Variants in CDH12 observed in about 807,000 individuals in gnomAD.
CDH12 encodes cadherin-12.
Under a neutral mutation model 74.1 loss-of-function variants are expected in CDH12, and 41 were observed. That is an observed-to-expected ratio of 0.55 (90% CI 0.43 to 0.72). The LOEUF is 0.72. Ranked by LOEUF, CDH12 falls within the 30% of genes least tolerant of loss-of-function variation. CDH12 has a pLI of 0.00. For synonymous variants in CDH12, 399 were observed against 355.0 expected (o/e 1.12, Z -1.39); for missense variants, 945 against 977.2 (o/e 0.97, Z 0.44).
intron 1 of CDH12, among the ~76,000 whole-genome samples, chr5:22,641,093 C>T (rs192142947): frequency 6.6e-6 from 1 of 152,210 alleles, no homozygotes; most frequent in Admixed American, 6.5e-5. Context: ...TAGATGTAGA[C>T]ACATGAGAGG....
At chr5:22,476,308 A>G in intron 2 of CDH12, among the ~76,000 whole-genome samples, 1 of 152,196 alleles carries the variant, frequency 6.6e-6, no homozygotes, top group Non-Finnish European at 1.5e-5. Flanking sequence ...CATTTAAGAT[A>G]AGTTAAGGAA....
At chr5:22,295,076 T>A (rs1345912786) in intron 3 of CDH12, among the ~76,000 whole-genome samples, 1 of 152,154 alleles carries the variant, frequency 6.6e-6, no homozygotes, top group African/African-American at 2.4e-5. Context: ...ACTTTTCCAT[T>A]AGCTCCTCCT....
In CDH12 at chr5:22,665,903, G is replaced by A. The variant is rs947835289; in HGVS notation, c.-522-160539C>T. On this transcript the variant is annotated intron_variant, in intron 1 of 14. Coordinates refer to ENST00000382254, the MANE Select transcript of CDH12 (RefSeq NM_004061.5). ...ATGTTGAGATTTCTCATGGTGAAAT[G>A]TTGAAGCTATTTCTTTTTTTTTCTT... Among the ~76,000 whole-genome samples the A allele has an allele frequency of 3.6e-4, 55 of 152,120 alleles. 1 individual carries two copies. The highest frequency in any genetic ancestry group is 3.2e-3 in the Admixed American group (49 of 15,280).
chr5:21,939,866 T>C (rs571170461), intron 6 of CDH12, among the ~76,000 whole-genome samples: 46 of 152,038 alleles, frequency 3.0e-4, no homozygotes, highest in Non-Finnish European at 6.0e-4. Context: ...TAATTAAAAA[T>C]ATGAGAAAAA....
intron 1 of CDH12, among the ~76,000 whole-genome samples, chr5:22,625,645 A>C (rs1174412300): frequency 1.3e-5 from 2 of 152,132 alleles, no homozygotes; most frequent in African/African-American, 4.8e-5. Context: ...TGCCCAGGGG[A>C]TAAGGCCTGT....
intron 5 of CDH12, among the ~76,000 whole-genome samples, chr5:22,061,800 G>C (rs969275007): frequency 6.6e-6 from 1 of 152,102 alleles, no homozygotes; most frequent in Non-Finnish European, 1.5e-5. Flanking sequence ...ATGCACTTAA[G>C]ATATTTCTGG....
intron 6 of CDH12, among the ~76,000 whole-genome samples, chr5:21,935,233 A>G (rs2150084854): frequency 1.3e-5 from 2 of 152,282 alleles, no homozygotes; most frequent in South Asian, 4.1e-4. Context: ...TGATGAGATC[A>G]TGGGCTAATT....
intron 1 of CDH12, among the ~76,000 whole-genome samples, chr5:22,785,671 C>T (rs1747586265): frequency 6.6e-6 from 1 of 152,096 alleles, no homozygotes; most frequent in African/African-American, 2.4e-5. Context: ...GCACATGTCA[C>T]TACACCTGGC....
intron 7 of CDH12, among the ~76,000 whole-genome samples, chr5:21,844,479 A>G (rs181482563): frequency 1.3e-5 from 2 of 152,244 alleles, no homozygotes; most frequent in Admixed American, 1.3e-4. Context: ...TACATATACA[A>G]TCCTTTCCTC....
chr5:22,501,486 C>T (rs954853704), intron 2 of CDH12, among the ~76,000 whole-genome samples: 1 of 152,132 alleles, frequency 6.6e-6, no homozygotes, highest in Non-Finnish European at 1.5e-5. Flanking sequence ...GAATAATCAA[C>T]TGTTTCTGTA....
intron 4 of CDH12, among the ~76,000 whole-genome samples, chr5:22,110,616 T>TGGTGGGTC: frequency 6.6e-6 from 1 of 152,142 alleles, no homozygotes; most frequent in Non-Finnish European, 1.5e-5. Flanking sequence ...GATGGAGTAA[T>TGGTGGGTC]CAGTGTCATA....
chr5:22,182,326 C>T (rs1186114163), intron 4 of CDH12, among the ~76,000 whole-genome samples: 1 of 152,154 alleles, frequency 6.6e-6, no homozygotes, highest in East Asian at 1.9e-4. Context: ...TCTCAATTCA[C>T]CTCAATATAT....
rs1290628617 is a variant in CDH12 at position 22,418,431 on chromosome 5, C to T, written c.-427-13080G>A. Among the ~76,000 whole-genome samples, 17 of 152,168 alleles carry T rather than the reference C, an allele frequency of 1.1e-4. 1 individual carries two copies. The highest frequency in any genetic ancestry group is 6.5e-4 in the Admixed American group (10 of 15,272). ...ACTTCCTCTCTTCCTATTTGAATAC[C>T]TTTATTTCTTTCTCTTGCCTGATTG... On this transcript the variant is annotated intron_variant, in intron 2 of 14. Coordinates refer to ENST00000382254, the MANE Select transcript of CDH12 (RefSeq NM_004061.5).
intron 1 of CDH12, among the ~76,000 whole-genome samples, chr5:22,682,574 T>C (rs1397844995): frequency 6.6e-6 from 1 of 152,092 alleles, no homozygotes; most frequent in African/African-American, 2.4e-5. Flanking sequence ...TAATAGGAAC[T>C]AGTTATCTTT....
At chr5:22,842,917 T>C (rs1209725233) in intron 1 of CDH12, among the ~76,000 whole-genome samples, 1 of 152,098 alleles carries the variant, frequency 6.6e-6, no homozygotes, top group Non-Finnish European at 1.5e-5. Flanking sequence ...TTATACATAT[T>C]GTAACTGTGT....
chr5:21,842,754 T>C (rs1005015692), intron 7 of CDH12, among the ~76,000 whole-genome samples: 1 of 152,216 alleles, frequency 6.6e-6, no homozygotes, highest in Non-Finnish European at 1.5e-5. Flanking sequence ...CTTCTTTGTT[T>C]TTCTGTTTAT....
At chr5:22,336,241 T>C (rs1739575707) in intron 3 of CDH12, among the ~76,000 whole-genome samples, 1 of 152,126 alleles carries the variant, frequency 6.6e-6, no homozygotes, top group Non-Finnish European at 1.5e-5. Flanking sequence ...ATCATTCAGT[T>C]TTAAAAGGGA....
intron 1 of CDH12, among the ~76,000 whole-genome samples, chr5:22,633,669 TCTC>T (rs542908840): frequency 6.6e-6 from 1 of 152,120 alleles, no homozygotes; most frequent in African/African-American, 2.4e-5. Flanking sequence ...ACAGTGATCT[TCTC>T]CTGCTCTGAG....
intron 2 of CDH12, among the ~76,000 whole-genome samples, chr5:22,410,451 G>A (rs1424939469): frequency 2.0e-5 from 3 of 152,070 alleles, no homozygotes; most frequent in Non-Finnish European, 4.4e-5. Context: ...AGGCCAAGAA[G>A]AATCTGCACA....
Sources: gnomAD v4.1 joint callset for allele counts (sites outside exome capture counted in the v4.1 genomes callset) on GRCh38, gnomAD v4.1.1 for gene constraint, MANE v1.5 for transcripts, NCBI Gene and HGNC (gene_info 2026-07-23, HGNC 2026-07-21) for gene names.